Variants in BCAR3 observed in about 807,000 individuals in gnomAD.
BCAR3 encodes the protein BCAR3 adaptor protein, NSP family member, also known as breast cancer anti-estrogen resistance protein 3.
In BCAR3, 37 loss-of-function variants were observed where a neutral mutation model predicts 80.1. The observed-to-expected ratio is 0.46, with a 90% CI of 0.36 to 0.61. The LOEUF (loss-of-function observed/expected upper bound fraction) is 0.61. Among genes scored for constraint, BCAR3 ranks in the 20% least tolerant of loss-of-function variants. The pLI is 0.00. For missense variants in BCAR3, 978 were observed against 1,068.2 expected, an observed-to-expected ratio of 0.92 and a Z score of 1.18; for synonymous variants, 389 against 418.9, an observed-to-expected ratio of 0.93 and a Z score of 0.87.
chr1:93,630,235 C>A (rs1446248122), intron 3 of BCAR3, among the ~76,000 whole-genome samples: 1 of 152,086 alleles, frequency 6.6e-6, no homozygotes, highest in Non-Finnish European at 1.5e-5. Flanking sequence ...AAAATAAACG[C>A]CCTTGTGCAT....
At chr1:93,737,521 A>G (rs1204527981) in intron 2 of BCAR3, among the ~76,000 whole-genome samples, 2 of 152,202 alleles carry the variant, frequency 1.3e-5, no homozygotes, top group African/African-American at 4.8e-5. Flanking sequence ...CACCGGAAGC[A>G]AGGAGACAGG....
At chr1:93,838,067 G>C (rs1386431430) in intron 2 of BCAR3, among the ~76,000 whole-genome samples, 1 of 152,212 alleles carries the variant, frequency 6.6e-6, no homozygotes, top group Non-Finnish European at 1.5e-5. Context: ...AGATCATCCA[G>C]AGAAATGGGG....
At chr1:93,766,054 G>T (rs1282823076) in intron 2 of BCAR3, among the ~76,000 whole-genome samples, 1 of 152,154 alleles carries the variant, frequency 6.6e-6, no homozygotes, top group African/African-American at 2.4e-5. Flanking sequence ...TTGTGTAACG[G>T]AAACTTTGTA....
intron 11 of BCAR3, among the ~76,000 whole-genome samples, 179 bp from the exon 12 acceptor site, chr1:93,562,598 T>C (rs1672736185): frequency 6.6e-6 from 1 of 151,146 alleles, no homozygotes; most frequent in Non-Finnish European, 1.5e-5. Flanking sequence ...TGAAATCCCG[T>C]CTCTACTAAA....
At chr1:93,583,919 G>T in intron 6 of BCAR3, 99 bp downstream of exon 6, 1 of 1,193,956 alleles carries the variant, frequency 8.4e-7, no homozygotes, top group Non-Finnish European at 1.2e-6. Context: ...CTGAGGCCTT[G>T]TGTCGTTTTC....
chr1:93,781,666 A>T (rs1652765354), intron 2 of BCAR3, among the ~76,000 whole-genome samples: 1 of 152,142 alleles, frequency 6.6e-6, no homozygotes, highest in Non-Finnish European at 1.5e-5. Context: ...TACAAAGCCC[A>T]AGTTCTCAGC....
chr1:93,815,714 G>C (rs1203842949), intron 2 of BCAR3, among the ~76,000 whole-genome samples: 1 of 152,120 alleles, frequency 6.6e-6, no homozygotes, highest in Admixed American at 6.6e-5. Flanking sequence ...TAAAACATGG[G>C]AAAGGGCCAT....
intron 8 of BCAR3, among the ~76,000 whole-genome samples, chr1:93,573,584 T>C (rs1239090445): frequency 1.3e-5 from 2 of 149,776 alleles, no homozygotes; most frequent in Non-Finnish European, 3.0e-5. Context: ...AATTAATGAA[T>C]CCAAACATAG....
intron 2 of BCAR3, among the ~76,000 whole-genome samples, chr1:93,657,268 C>A (rs979663155): frequency 1.3e-5 from 2 of 151,946 alleles, no homozygotes; most frequent in Non-Finnish European, 2.9e-5. Context: ...AACAGAAAAT[C>A]AAAATAATCC....
At chr1:93,622,430 C>T (rs1373146891) in intron 3 of BCAR3, among the ~76,000 whole-genome samples, 1 of 152,178 alleles carries the variant, frequency 6.6e-6, no homozygotes, top group Non-Finnish European at 1.5e-5. Context: ...AAAGGCAGAC[C>T]TCCCTCCAAC....
At chr1:93,718,688 C>CTT (rs71094259) in intron 2 of BCAR3, among the ~76,000 whole-genome samples, 98 of 77,044 alleles carry the variant, frequency 1.3e-3, no homozygotes, top group East Asian at 2.5e-3. Flanking sequence ...CATTGTTTTT[C>CTT]TTTTTTTTTT....
rs539722265 is a variant in BCAR3, at chr1:93,843,783, G to A, written c.-63+1784C>T. On this transcript the variant is annotated intron_variant, in intron 2 of 13. Coordinates refer to the BCAR3 transcript ENST00000370244. ...GCTTATTGCTTCATATTCATAAATC[G>A]TATTTCTCCTAGGAAATTTGGAGTG... 2.8e-4 allele frequency among the ~76,000 whole-genome samples: 42 copies of A among 152,178 alleles called. 1 individual carries two copies. The highest frequency in any genetic ancestry group is 9.6e-4 in the African/African-American group (40 of 41,512).
At chr1:93,610,621 G>A (rs1026500704) in intron 3 of BCAR3, among the ~76,000 whole-genome samples, 3 of 152,060 alleles carry the variant, frequency 2.0e-5, no homozygotes, top group African/African-American at 7.2e-5. Flanking sequence ...TCTTATTTTA[G>A]GCGTCAATTG....
chr1:93,656,532 TG>T (rs2101925530), intron 2 of BCAR3, among the ~76,000 whole-genome samples: 1 of 151,994 alleles, frequency 6.6e-6, no homozygotes, highest in African/African-American at 2.4e-5. Flanking sequence ...AGACCACTTA[TG>T]ATTTTATCTT....
chr1:93,745,661 A>T (rs923605413), intron 2 of BCAR3, among the ~76,000 whole-genome samples: 2 of 152,166 alleles, frequency 1.3e-5, no homozygotes, highest in Admixed American at 1.3e-4. Context: ...GTTCATAACC[A>T]GGTGTGGGGT....
At chr1:93,666,893 G>A (rs187976445) in intron 2 of BCAR3, among the ~76,000 whole-genome samples, 5 of 152,180 alleles carry the variant, frequency 3.3e-5, no homozygotes, top group South Asian at 2.1e-4. Context: ...AGAAGCTGCC[G>A]TCATTGAACG....
At chr1:93,766,021 T>C (rs1182646436) in intron 2 of BCAR3, among the ~76,000 whole-genome samples, 2 of 152,208 alleles carry the variant, frequency 1.3e-5, no homozygotes, top group African/African-American at 4.8e-5. Flanking sequence ...TGGTGTATAG[T>C]AGATCTCCAG....
chr1:93,626,646 A>T (rs1194950884), intron 3 of BCAR3, among the ~76,000 whole-genome samples: 1 of 152,142 alleles, frequency 6.6e-6, no homozygotes, highest in Non-Finnish European at 1.5e-5. Context: ...GGGCCATTGC[A>T]CTCTTGACTC....
At chr1:93,646,738 T>C (rs575723074) in intron 2 of BCAR3, among the ~76,000 whole-genome samples, 1 of 152,304 alleles carries the variant, frequency 6.6e-6, no homozygotes, top group East Asian at 1.9e-4. Flanking sequence ...TGTATACCTA[T>C]GAAATATTGT....
Sources: gnomAD v4.1 joint callset for allele counts (sites outside exome capture counted in the v4.1 genomes callset) on GRCh38, gnomAD v4.1.1 for gene constraint, MANE v1.5 for transcripts, NCBI Gene and HGNC (gene_info 2026-07-23, HGNC 2026-07-21) for gene names.